Variants in PAQR8 observed in about 807,000 individuals in gnomAD.
The protein encoded by PAQR8 is membrane progestin receptor beta.
In PAQR8, 17 loss-of-function variants were observed where a neutral mutation model predicts 25.2. The observed-to-expected ratio is 0.67, with a 90% CI of 0.46 to 1.01. PAQR8 has a LOEUF of 1.01. Among genes scored for constraint, PAQR8 ranks in the 50% least tolerant of loss-of-function variants. PAQR8 has a pLI of 0.00. For missense variants in PAQR8, 392 were observed against 448.4 expected (o/e 0.87, Z 1.14); for synonymous variants, 204 against 190.6 (o/e 1.07, Z -0.58).
chr6:52,398,006 A>C (rs1043900050), intron 1 of PAQR8, among the ~76,000 whole-genome samples: 3 of 152,130 alleles, frequency 2.0e-5, no homozygotes, highest in Non-Finnish European at 2.9e-5. Flanking sequence ...GGCAGACCCC[A>C]CTTGACAGTG....
chr6:52,378,439 A>C (rs1468430187), intron 1 of PAQR8, among the ~76,000 whole-genome samples: 2 of 152,236 alleles, frequency 1.3e-5, no homozygotes, highest in Non-Finnish European at 2.9e-5. Context: ...TCAAGTGGGC[A>C]TCAAATATAC....
At position 52,373,009 on chromosome 6, in the gene PAQR8, A is replaced by T. The variant is rs1331170082; in HGVS notation, c.-53+10760A>T. 5.3e-5 allele frequency among the ~76,000 whole-genome samples: 8 copies of T among 152,214 alleles called. No individual in the cohort carries two copies. The South Asian group carries it at 1.7e-3, about 32-fold the overall frequency. The stretch of plus-strand genomic sequence containing the variant: ...TCAGGATTCAAATCCAAGTTGCCTA[A>T]CTCCAAAGCCCATCTTGTTTACTGC... On this transcript the variant is annotated intron_variant, in intron 1 of 1. Coordinates refer to ENST00000442253, the MANE Select transcript of PAQR8 (RefSeq NM_133367.5).
At chr6:52,390,505 A>C (rs765950090) in intron 1 of PAQR8, among the ~76,000 whole-genome samples, 3 of 152,196 alleles carry the variant, frequency 2.0e-5, no homozygotes, top group Non-Finnish European at 4.4e-5. Context: ...TCTTGCTGCC[A>C]GATCTGTGGC....
At position 52,406,262 on chromosome 6, in the gene PAQR8, A is replaced by C; in HGVS notation, c.*1984A>C. 2.5e-6 allele frequency: 1 copy of C among 398,012 alleles called. No individual in the cohort carries two copies. Among genetic ancestry groups the C allele is most frequent in the East Asian group, 3.7e-5 (1 of 26,822 alleles). 24.7% of individuals were successfully genotyped at this position (398,012 alleles called of 1,614,324 possible). ...TTGAAGTTTTCTTTATTACGGATTC[A>C]AAGACTTATTTTGAAAGTTGGAAGG... On this transcript the variant is annotated 3_prime_UTR_variant, in exon 2 of 2. Transcript: ENST00000442253.
intron 1 of PAQR8, among the ~76,000 whole-genome samples, chr6:52,386,083 CAT>C (rs377074037): frequency 1.3e-3 from 193 of 152,146 alleles, no homozygotes; most frequent in African/African-American, 4.3e-3. Context: ...TGGCCAAAAA[CAT>C]ATGAAAAAAT....
At chr6:52,365,243 C>T (rs72927453) in intron 1 of PAQR8, among the ~76,000 whole-genome samples, 8,047 of 152,078 alleles carry the variant, frequency 0.053, 289 homozygotes, top group Non-Finnish European at 0.077. Flanking sequence ...AGAATGATTT[C>T]TGAACATTCA....
At chr6:52,368,130 GCACA>G (rs150123992) in intron 1 of PAQR8, among the ~76,000 whole-genome samples, 1 of 151,354 alleles carries the variant, frequency 6.6e-6, no homozygotes, top group East Asian at 1.9e-4. Flanking sequence ...CTTGGGACGT[GCACA>G]CACACACACA....
intron 1 of PAQR8, among the ~76,000 whole-genome samples, chr6:52,374,536 T>A (rs1763459655): frequency 6.6e-6 from 1 of 152,084 alleles, no homozygotes; most frequent in African/African-American, 2.4e-5. Context: ...GTTTCAGCCT[T>A]GTTATTAGGT....
chr6:52,387,780 C>T lies in PAQR8; in HGVS notation c.-52-15382C>T, dbSNP rs147473355. The stretch of plus-strand genomic sequence containing the variant: ...TGCACAGCAGGAGGTGATCAGTGGG[C>T]GAGTAAGCAAAGCTTCATCAGTATT... On this transcript the variant is annotated intron_variant, in intron 1 of 1. Transcript: ENST00000442253. 1.9e-3 allele frequency among the ~76,000 whole-genome samples: 290 copies of T among 152,322 alleles called. 3 individuals carry two copies. Among genetic ancestry groups the T allele is most frequent in the Middle Eastern group, 0.01 (3 of 294 alleles).
chr6:52,390,985 G>T (rs1763700921), intron 1 of PAQR8, among the ~76,000 whole-genome samples: 1 of 152,144 alleles, frequency 6.6e-6, no homozygotes, highest in African/African-American at 2.4e-5. Context: ...GTAAATGTTT[G>T]TTGTTAAAAA....
intron 1 of PAQR8, among the ~76,000 whole-genome samples, chr6:52,368,076 A>C (rs1026224639): frequency 6.6e-6 from 1 of 152,138 alleles, no homozygotes; most frequent in African/African-American, 2.4e-5. Flanking sequence ...CAAAATATAC[A>C]AAAAATAGCC....
At chr6:52,402,700 G>C (rs957211467) in intron 1 of PAQR8, among the ~76,000 whole-genome samples, 8 of 151,660 alleles carry the variant, frequency 5.3e-5, no homozygotes, top group African/African-American at 1.9e-4. Context: ...TTATTCTACA[G>C]ATGAATTAAA....
intron 1 of PAQR8, among the ~76,000 whole-genome samples, chr6:52,371,563 A>T (rs1161223269): frequency 6.6e-6 from 1 of 152,208 alleles, no homozygotes. Flanking sequence ...CTGCATCAAA[A>T]TGTAAAAGAA....
chr6:52,399,514 G>A (rs1763807121), intron 1 of PAQR8, among the ~76,000 whole-genome samples: 1 of 152,218 alleles, frequency 6.6e-6, no homozygotes, highest in Admixed American at 6.5e-5. Context: ...TTAAGGATAT[G>A]AAGATTAGTA....
Position 52,403,566 on chromosome 6 carries a change from C to T in PAQR8, c.353C>T (p.Ser118Leu). 1 of 1,614,094 alleles carries T rather than the reference C, an allele frequency of 6.2e-7. No homozygotes were observed. Among genetic ancestry groups the T allele is most frequent in the South Asian group, 1.1e-5 (1 of 91,084 alleles). ...CTGCCTCTGCTCCTCTTCATCCTGT[C>T]GTCAATCACTTACCTCACCTGCAGC... is the stretch of plus-strand genomic sequence containing the variant. ...HSLPLLLFIL[S>L]SITYLTCSLL... Residue 118 changes from serine to leucine, a missense_variant, in exon 2 of 2, where the codon TCG (serine) becomes TTG (leucine). Transcript: ENST00000442253.
At chr6:52,390,980 T>C (rs1268209528) in intron 1 of PAQR8, among the ~76,000 whole-genome samples, 1 of 152,206 alleles carries the variant, frequency 6.6e-6, no homozygotes, top group Non-Finnish European at 1.5e-5. Context: ...AAGTAGTAAA[T>C]GTTTGTTGTT....
intron 1 of PAQR8, among the ~76,000 whole-genome samples, chr6:52,368,668 G>A (rs1763382703): frequency 6.6e-6 from 1 of 152,230 alleles, no homozygotes; most frequent in East Asian, 1.9e-4. Context: ...ATATTTCTGT[G>A]TGCACATCTG....
At chr6:52,397,859 A>G (rs971544522) in intron 1 of PAQR8, among the ~76,000 whole-genome samples, 1 of 152,136 alleles carries the variant, frequency 6.6e-6, no homozygotes, top group African/African-American at 2.4e-5. Context: ...GCCACCTGGG[A>G]AGGCTGGGAG....
rs1326432909 is a variant in PAQR8, at chr6:52,405,096, T to C, written c.*818T>C. The C allele has an allele frequency of 1.2e-5, 2 of 167,096 alleles. No homozygotes were observed. The highest frequency in any genetic ancestry group is 2.9e-5 in the Non-Finnish European group (2 of 68,130). 10.4% of individuals were successfully genotyped at this position (167,096 alleles called of 1,614,324 possible). On this transcript the variant is annotated 3_prime_UTR_variant, in exon 2 of 2. Transcript: ENST00000442253. ...ATACTATATGGTATCATGGGACCCATCTATTTTTTACCAGTGGACTACAGG... is the reference window on the plus strand; with the variant it reads ...ATACTATATGGTATCATGGGACCCACCTATTTTTTACCAGTGGACTACAGG...
Sources: gnomAD v4.1 joint callset for allele counts (sites outside exome capture counted in the v4.1 genomes callset) on GRCh38, gnomAD v4.1.1 for gene constraint, MANE v1.5 for transcripts, NCBI Gene and HGNC (gene_info 2026-07-23, HGNC 2026-07-21) for gene names.